HIVEP3: variants seen among roughly 807,000 people sequenced by gnomAD.
The protein encoded by HIVEP3 is HIVEP zinc finger 3, also known as transcription factor HIVEP3.
Under a neutral mutation model 152.8 loss-of-function variants are expected in HIVEP3, and 49 were observed. The observed-to-expected ratio is 0.32, with a 90% CI of 0.26 to 0.41. The LOEUF (loss-of-function observed/expected upper bound fraction) is 0.41, where lower values mean the gene tolerates loss of function less well. Ranked by LOEUF, HIVEP3 falls within the 10% of genes least tolerant of loss-of-function variation. HIVEP3 has a pLI of 1.00. For synonymous variants in HIVEP3, 1,269 were observed against 1,289.0 expected (o/e 0.98, Z 0.33); for missense variants, 2,790 against 3,103.3 (o/e 0.90, Z 2.40).
At chr1:41,888,526 G>T (rs2124437250) in intron 1 of HIVEP3, among the ~76,000 whole-genome samples, 1 of 151,924 alleles carries the variant, frequency 6.6e-6, no homozygotes, top group African/African-American at 2.4e-5. Flanking sequence ...CCAAAGAGGG[G>T]GAAAAAGGAA....
intron 2 of HIVEP3, among the ~76,000 whole-genome samples, chr1:41,635,985 G>T (rs112084099): frequency 0.012 from 1,822 of 152,328 alleles, 45 homozygotes; most frequent in African/African-American, 0.042. Context: ...AGCAGAGAAA[G>T]AATGGATTAT....
chr1:41,757,863 G>A (rs895841912), intron 1 of HIVEP3, among the ~76,000 whole-genome samples: 13 of 151,900 alleles, frequency 8.6e-5, no homozygotes, highest in East Asian at 1.9e-4. Flanking sequence ...ACAGGGATGC[G>A]CCACCACACC....
At chr1:41,867,087 C>G (rs1205234600) in intron 1 of HIVEP3, among the ~76,000 whole-genome samples, 1 of 152,188 alleles carries the variant, frequency 6.6e-6, no homozygotes, top group Admixed American at 6.5e-5. Context: ...AATCATCACT[C>G]AAGCTTCCAG....
intron 1 of HIVEP3, among the ~76,000 whole-genome samples, chr1:41,985,153 T>C (rs1645314957): frequency 1.3e-5 from 2 of 152,298 alleles, no homozygotes; most frequent in Admixed American, 1.3e-4. Context: ...TAGTTCCAGG[T>C]TACGGGCACG....
chr1:41,791,789 C>A (rs1018197487), intron 1 of HIVEP3, among the ~76,000 whole-genome samples: 1 of 152,136 alleles, frequency 6.6e-6, no homozygotes, highest in Non-Finnish European at 1.5e-5. Flanking sequence ...CCTGATTTGG[C>A]TCCTACACAC....
At chr1:41,609,063 A>T (rs1463482332) in intron 3 of HIVEP3, among the ~76,000 whole-genome samples, 4 of 107,078 alleles carry the variant, frequency 3.7e-5, no homozygotes, top group East Asian at 2.1e-4. Flanking sequence ...CCGTCTCAAT[A>T]AAAAAAAAAA....
At chr1:41,848,174 T>A (rs1205634573) in intron 1 of HIVEP3, 1 of 128,758 alleles carries the variant, frequency 7.8e-6, no homozygotes, top group Non-Finnish European at 1.6e-5. Flanking sequence ...CAAAGTCCCA[T>A]GAGGAATGGC....
At chr1:41,556,745 C>T (rs1201790761) in intron 5 of HIVEP3, among the ~76,000 whole-genome samples, 1 of 152,144 alleles carries the variant, frequency 6.6e-6, no homozygotes, top group Non-Finnish European at 1.5e-5. Context: ...ATGTTTTCTC[C>T]TAAGAGTTTT....
chr1:41,744,285 CA>C (rs1416470019), intron 1 of HIVEP3, among the ~76,000 whole-genome samples: 1 of 152,200 alleles, frequency 6.6e-6, no homozygotes, highest in Non-Finnish European at 1.5e-5. Context: ...GTGATCCACC[CA>C]CCTCAGCCTC....
At chr1:41,604,144 C>T (rs908938319) in intron 3 of HIVEP3, among the ~76,000 whole-genome samples, 1 of 152,180 alleles carries the variant, frequency 6.6e-6, no homozygotes, top group Non-Finnish European at 1.5e-5. Flanking sequence ...CACACACCTA[C>T]CCTCAGACCC....
At chr1:41,784,247 A>C (rs1245824738) in intron 1 of HIVEP3, among the ~76,000 whole-genome samples, 1 of 152,260 alleles carries the variant, frequency 6.6e-6, no homozygotes, top group Non-Finnish European at 1.5e-5. Context: ...TGTAAGGTTT[A>C]AGCACATACT....
chr1:41,804,476 C>G (rs987048387), intron 1 of HIVEP3, among the ~76,000 whole-genome samples: 1 of 152,218 alleles, frequency 6.6e-6, no homozygotes, highest in African/African-American at 2.4e-5. Flanking sequence ...AGCTAGCCAC[C>G]ACCAGGTGCT....
rs1009619776 is a variant in HIVEP3, at chr1:41,613,947, C to T, written c.-522+14802G>A. 5.3e-5 allele frequency among the ~76,000 whole-genome samples: 8 copies of T among 152,218 alleles called. No individual in the cohort carries two copies. In the South Asian group the frequency reaches 8.3e-4, roughly 16 times the overall value. Reference sequence around the variant, plus strand: ...TTTGTGTCTGGCTTCTTTCACTTAGCATAACGTTTTTCATCATTTGCACTA... The same window carrying T: ...TTTGTGTCTGGCTTCTTTCACTTAGTATAACGTTTTTCATCATTTGCACTA... On this transcript the variant is annotated intron_variant, in intron 3 of 8. Transcript: ENST00000372583.
At chr1:41,683,198 C>T (rs1263229040) in intron 2 of HIVEP3, among the ~76,000 whole-genome samples, 2 of 152,234 alleles carry the variant, frequency 1.3e-5, no homozygotes, top group Non-Finnish European at 2.9e-5. Flanking sequence ...GGCAAGGCCA[C>T]ATCAAGAAGG....
At chr1:41,929,726 T>TTATATATATATATA (rs55663663) in intron 1 of HIVEP3, among the ~76,000 whole-genome samples, 69 of 112,812 alleles carry the variant, frequency 6.1e-4, no homozygotes, top group Admixed American at 2.9e-3. Flanking sequence ...ATATGTGTTT[T>TTATATATATATATA]TATATATATA....
intron 5 of HIVEP3, among the ~76,000 whole-genome samples, chr1:41,536,992 A>G (rs759661268): frequency 6.6e-6 from 1 of 152,218 alleles, no homozygotes; most frequent in Non-Finnish European, 1.5e-5. Flanking sequence ...TAAGTCAAAT[A>G]AAATACAAGA....
At chr1:41,567,528 G>A (rs957072704) in intron 5 of HIVEP3, among the ~76,000 whole-genome samples, 55 of 152,358 alleles carry the variant, frequency 3.6e-4, no homozygotes, top group African/African-American at 1.3e-3. Context: ...TTTCTGGGGA[G>A]AAGCCTGAGA....
chr1:41,563,922 T>C (rs1644122309), intron 5 of HIVEP3, among the ~76,000 whole-genome samples: 2 of 151,982 alleles, frequency 1.3e-5, no homozygotes, highest in Admixed American at 6.5e-5. Flanking sequence ...AAACTGAAAA[T>C]GTGACAGTAG....
chr1:41,991,171 C>T (rs375786843), intron 1 of HIVEP3, among the ~76,000 whole-genome samples: 4 of 151,768 alleles, frequency 2.6e-5, no homozygotes, highest in Admixed American at 2.0e-4. Context: ...CTGAAGGAAA[C>T]AGAGACACAA....
Sources: gnomAD v4.1 joint callset for allele counts (sites outside exome capture counted in the v4.1 genomes callset) on GRCh38, gnomAD v4.1.1 for gene constraint, MANE v1.5 for transcripts, NCBI Gene and HGNC (gene_info 2026-07-23, HGNC 2026-07-21) for gene names.